NAALADL2: variants seen among roughly 807,000 people sequenced by gnomAD.
NAALADL2 encodes the protein inactive N-acetylated-alpha-linked acidic dipeptidase-like protein 2.
In NAALADL2, 76 loss-of-function variants were observed where a neutral mutation model predicts 87.2. That is an observed-to-expected ratio of 0.87 (90% CI 0.72 to 1.05). The LOEUF (loss-of-function observed/expected upper bound fraction) is 1.05. NAALADL2 is among the 50% of genes least tolerant of loss of function. NAALADL2 has a pLI of 0.00. For synonymous variants in NAALADL2, 354 were observed against 331.0 expected (o/e 1.07, Z -0.75); for missense variants, 1,089 against 945.8 (o/e 1.15, Z -1.99).
intron 2 of NAALADL2, among the ~76,000 whole-genome samples, chr3:175,179,867 G>T (rs2108977778): frequency 6.6e-6 from 1 of 152,120 alleles, no homozygotes; most frequent in Admixed American, 6.6e-5. Context: ...ATTAAGCTGA[G>T]ATTTGAAAAA....
At chr3:174,975,783 A>G (rs1033074801) in intron 1 of NAALADL2, among the ~76,000 whole-genome samples, 6 of 152,280 alleles carry the variant, frequency 3.9e-5, no homozygotes, top group Admixed American at 3.9e-4. Context: ...ACTGAGAGCA[A>G]TCACTGGCTG....
At chr3:175,453,769 TAGA>T (rs1180094112) in intron 6 of NAALADL2, among the ~76,000 whole-genome samples, 4 of 152,140 alleles carry the variant, frequency 2.6e-5, no homozygotes, top group African/African-American at 9.6e-5. Flanking sequence ...ACATGCCACT[TAGA>T]CTAAGTTCCT....
chr3:174,785,123 A>G (rs977493848), intron 3 of NAALADL2, among the ~76,000 whole-genome samples: 7 of 152,150 alleles, frequency 4.6e-5, no homozygotes, highest in African/African-American at 1.7e-4. Context: ...TGACACTGTC[A>G]CCCATGTAGT....
intron 6 of NAALADL2, 151 bp from the exon 7 acceptor site, chr3:175,463,250 A>G (rs1227996180): frequency 7.3e-6 from 4 of 544,906 alleles, no homozygotes; most frequent in Non-Finnish European, 1.3e-5. Flanking sequence ...TATTGAATAA[A>G]TATTTGTCGG....
chr3:175,632,081 C>T (rs1727845299), intron 11 of NAALADL2, among the ~76,000 whole-genome samples: 1 of 151,826 alleles, frequency 6.6e-6, no homozygotes, highest in South Asian at 2.1e-4. Context: ...GAGCTTTTTC[C>T]TCTGATATGG....
At chr3:175,013,542 GTCC>G (rs1189036371) in intron 1 of NAALADL2, among the ~76,000 whole-genome samples, 5 of 151,316 alleles carry the variant, frequency 3.3e-5, no homozygotes, top group African/African-American at 1.2e-4. Context: ...CATGTGATTT[GTCC>G]TCCTCAGCCT....
At position 175,147,796 on chromosome 3, in the gene NAALADL2, G is replaced by T. The variant is rs188430422; in HGVS notation, c.545+50505G>T. 3.3e-5 allele frequency among the ~76,000 whole-genome samples: 5 copies of T among 152,118 alleles called. No homozygotes were observed. The South Asian group carries it at 8.3e-4, about 25-fold the overall frequency. On this transcript the variant is annotated intron_variant, in intron 2 of 13. Transcript: ENST00000454872. ...TAATAATACCCATTTTCGGCCAGGCGTGTTGGCTCACGCCTGTAATCCCAG... is the reference window on the plus strand; with the variant it reads ...TAATAATACCCATTTTCGGCCAGGCTTGTTGGCTCACGCCTGTAATCCCAG...
At chr3:174,985,236 G>A (rs9820271) in intron 1 of NAALADL2, among the ~76,000 whole-genome samples, 14,406 of 152,194 alleles carry the variant, frequency 0.095, 1,616 homozygotes, top group African/African-American at 0.27. Flanking sequence ...TCAGATCTGA[G>A]TATAATAGAA....
chr3:175,548,585 T>C (rs1713791703), intron 9 of NAALADL2, among the ~76,000 whole-genome samples: 1 of 152,016 alleles, frequency 6.6e-6, no homozygotes, highest in South Asian at 2.1e-4. Context: ...TTCACAGATA[T>C]CGTTGGAATA....
intron 1 of NAALADL2, among the ~76,000 whole-genome samples, chr3:175,042,555 A>G (rs1198452870): frequency 1.3e-5 from 2 of 152,116 alleles, no homozygotes; most frequent in Admixed American, 6.5e-5. Flanking sequence ...CCCCCCAACA[A>G]TGAATAAGGG....
At chr3:174,677,903 A>G (rs1029805807) in intron 2 of NAALADL2, among the ~76,000 whole-genome samples, 3 of 152,112 alleles carry the variant, frequency 2.0e-5, no homozygotes, top group Non-Finnish European at 2.9e-5. Context: ...AAAAATGCAA[A>G]AAATGTATCA....
chr3:174,882,876 T>C (rs145733744), intron 1 of NAALADL2, among the ~76,000 whole-genome samples: 68 of 148,468 alleles, frequency 4.6e-4, no homozygotes, highest in Admixed American at 1.0e-3. Context: ...TGTATATGTG[T>C]ATATGTGTAT....
Position 175,808,705 on chromosome 3 carries a change from A to G in NAALADL2, c.*5502A>G, listed in dbSNP as rs1754909470. ...AGGTGCCTGTATCATGCCATATGTCATGTGCTATATTCCTGCAAGCTCAAG... is the reference window on the plus strand; with the variant it reads ...AGGTGCCTGTATCATGCCATATGTCGTGTGCTATATTCCTGCAAGCTCAAG... On this transcript the variant is annotated 3_prime_UTR_variant, in exon 14 of 14. Coordinates refer to ENST00000454872, the MANE Select transcript of NAALADL2 (RefSeq NM_207015.3). 6.6e-6 allele frequency: 1 copy of G among 151,978 alleles called. No homozygotes were observed. The highest frequency in any genetic ancestry group is 1.5e-5 in the Non-Finnish European group (1 of 67,952). 9.4% of individuals were successfully genotyped at this position (151,978 alleles called of 1,614,324 possible).
Position 175,262,999 on chromosome 3 carries a change from C to CAA in NAALADL2, c.939+6482_939+6483dup, listed in dbSNP as rs71626206. Among the ~76,000 whole-genome samples the CAA allele has an allele frequency of 9.5e-3, 1,225 of 128,904 alleles. 9 individuals are homozygous for CAA. Among genetic ancestry groups the CAA allele is most frequent in the Middle Eastern group, 0.018 (4 of 222 alleles). 84.6% of individuals were successfully genotyped at this position (128,904 alleles called of 152,430 possible). On this transcript the variant is annotated intron_variant, in intron 4 of 13. Coordinates refer to ENST00000454872, the MANE Select transcript of NAALADL2 (RefSeq NM_207015.3). ...CTTACCTAATTCTCAGAAGTAATTG[C>CAA]AAAAAAAAAAAAAACAAAAAACAAT...
intron 13 of NAALADL2, among the ~76,000 whole-genome samples, chr3:175,756,860 T>C (rs1252849589): frequency 6.6e-6 from 1 of 151,942 alleles, no homozygotes; most frequent in Non-Finnish European, 1.5e-5. Flanking sequence ...TAACTGATAA[T>C]TCTATGAGAC....
At chr3:175,734,161 A>G (rs368566821) in intron 11 of NAALADL2, among the ~76,000 whole-genome samples, 129 of 152,122 alleles carry the variant, frequency 8.5e-4, no homozygotes, top group African/African-American at 2.9e-3. Flanking sequence ...GGGGGCTCTG[A>G]CCCCACATTT....
rs1754848779 is a variant in NAALADL2 at position 175,807,914 on chromosome 3, A to C, written c.*4711A>C. ...TTGTTTTGTGCACTTCACAACTTTT[A>C]GGTGACATGAATTTGAAGCGTAGCA... On this transcript the variant is annotated 3_prime_UTR_variant, in exon 14 of 14. Transcript: ENST00000454872. 6.6e-6 allele frequency: 1 copy of C among 151,940 alleles called. No individual in the cohort carries two copies. Among genetic ancestry groups the C allele is most frequent in the Non-Finnish European group, 1.5e-5 (1 of 67,902 alleles). 9.4% of individuals were successfully genotyped at this position (151,940 alleles called of 1,614,324 possible).
At chr3:174,749,923 A>G (rs1560193515) in intron 3 of NAALADL2, among the ~76,000 whole-genome samples, 1 of 152,218 alleles carries the variant, frequency 6.6e-6, no homozygotes, top group Non-Finnish European at 1.5e-5. Flanking sequence ...TTTTCCAGAA[A>G]TTATGAAGTG....
At chr3:175,573,779 C>A (rs9850489) in intron 9 of NAALADL2, among the ~76,000 whole-genome samples, 4,132 of 152,218 alleles carry the variant, frequency 0.027, 133 homozygotes, top group African/African-American at 0.068. Context: ...GGATTACCCC[C>A]ACTTTCGAAA....
Sources: gnomAD v4.1 joint callset for allele counts (sites outside exome capture counted in the v4.1 genomes callset) on GRCh38, gnomAD v4.1.1 for gene constraint, MANE v1.5 for transcripts, NCBI Gene and HGNC (gene_info 2026-07-23, HGNC 2026-07-21) for gene names.